TMEM74: variants seen among roughly 807,000 people sequenced by gnomAD.
TMEM74 encodes transmembrane protein 74.
A neutral mutation model predicts 18.1 loss-of-function variants in TMEM74; 13 were observed. The ratio of observed to expected loss-of-function variants is 0.72; its 90% CI spans 0.47 to 1.14. The LOEUF is 1.14. Ranked by LOEUF, TMEM74 falls within the 50% of genes most tolerant of loss-of-function variation. TMEM74 has a pLI of 0.00. For missense variants in TMEM74, 372 were observed against 375.9 expected (o/e 0.99, Z 0.09); for synonymous variants, 159 against 146.6 (o/e 1.08, Z -0.61).
chr8:108,628,210 T>A (rs1563735584), intron 2 of TMEM74, among the ~76,000 whole-genome samples: 1 of 152,040 alleles, frequency 6.6e-6, no homozygotes, highest in Non-Finnish European at 1.5e-5. Context: ...TGACCTAAGT[T>A]GCAATAATCT....
chr8:108,609,504 T>C (rs1428307791), intron 2 of TMEM74, among the ~76,000 whole-genome samples: 1 of 151,954 alleles, frequency 6.6e-6, no homozygotes, highest in Non-Finnish European at 1.5e-5. Flanking sequence ...AAAAATTAGC[T>C]GGGCTTGGTG....
intron 2 of TMEM74, among the ~76,000 whole-genome samples, chr8:108,632,154 G>A (rs1485481425): frequency 6.6e-6 from 1 of 151,956 alleles, no homozygotes; most frequent in Non-Finnish European, 1.5e-5. Flanking sequence ...ATATTGGAGA[G>A]GCTGTGACAG....
chr8:108,657,328 C>T (rs557196744), intron 1 of TMEM74, among the ~76,000 whole-genome samples: 31 of 152,044 alleles, frequency 2.0e-4, no homozygotes, highest in African/African-American at 6.7e-4. Flanking sequence ...GAGACTCTTG[C>T]TTACAAGCAG....
chr8:108,657,669 C>T (rs936021168), intron 1 of TMEM74, among the ~76,000 whole-genome samples: 4 of 150,352 alleles, frequency 2.7e-5, no homozygotes, highest in South Asian at 2.1e-4. Context: ...ATGGTGAAAC[C>T]CCATCTGTAC....
intron 2 of TMEM74, among the ~76,000 whole-genome samples, chr8:108,649,452 C>T (rs913814106): frequency 2.0e-5 from 3 of 152,238 alleles, no homozygotes; most frequent in East Asian, 1.9e-4. Flanking sequence ...TTGTGATGCT[C>T]TGGAAAACTT....
chr8:108,723,756 A>C (rs527343760), intron 1 of TMEM74, among the ~76,000 whole-genome samples: 1 of 152,334 alleles, frequency 6.6e-6, no homozygotes, highest in Non-Finnish European at 1.5e-5. Context: ...AAATATTAAT[A>C]AATAAAAAGA....
chr8:108,760,150 GA>G (rs1814025251), intron 1 of TMEM74, among the ~76,000 whole-genome samples: 2 of 125,114 alleles, frequency 1.6e-5, no homozygotes, highest in African/African-American at 8.6e-5. Context: ...TGCAGACTGG[GA>G]GAGAGAGAGA....
Position 108,634,419 on chromosome 8 carries a change from CCT to C in TMEM74, n.264+20872_264+20873del, listed in dbSNP as rs1357064175. On this transcript the variant is annotated intron_variant and non_coding_transcript_variant, in intron 2 of 3. Coordinates refer to the TMEM74 transcript ENST00000518838. ...CTATTTCCCCCTATAAATTACTCCTCCTCTCTCCCAACACTGTACATTAGCTC... is the reference window on the plus strand; with the variant it reads ...CTATTTCCCCCTATAAATTACTCCTCCTCTCCCAACACTGTACATTAGCTC... Among the ~76,000 whole-genome samples, 3 of 151,916 alleles carry C rather than the reference CCT, an allele frequency of 2.0e-5. No homozygotes were observed. In the South Asian group the frequency reaches 6.2e-4, roughly 31 times the overall value.
At chr8:108,711,836 G>A (rs1813478704) in intron 1 of TMEM74, among the ~76,000 whole-genome samples, 1 of 152,080 alleles carries the variant, frequency 6.6e-6, no homozygotes, top group Non-Finnish European at 1.5e-5. Context: ...GTAGGAAAAG[G>A]CATGCCATTA....
chr8:108,637,550 CAG>C, intron 2 of TMEM74, among the ~76,000 whole-genome samples: 1 of 152,030 alleles, frequency 6.6e-6, no homozygotes, highest in South Asian at 2.1e-4. Context: ...ATCTCAGAAG[CAG>C]AGAGAGACAG....
chr8:108,784,419 T>A lies in TMEM74; in HGVS notation c.680A>T (p.His227Leu), dbSNP rs991697781. The change falls in exon 2 of 2, where the codon CAC (histidine) becomes CTC (leucine). Residue 227 changes from histidine (H) to leucine (L), a missense_variant. His to Leu is a moderately conservative substitution (Grantham distance 99). Coordinates refer to ENST00000297459, the MANE Select transcript of TMEM74 (RefSeq NM_153015.3). ...CCCCGCAATCACACAGCGGTCCAGG[T>A]GAGCCCCCAGCCTCGCACTCTCCTT... ...LEKESARLGA[H>L]LDRCVIAGLC... is the part of the protein sequence containing the mutation. 1.2e-6 allele frequency: 2 copies of A among 1,613,996 alleles called. No individual in the cohort carries two copies. Among genetic ancestry groups the A allele is most frequent in the African/African-American group, 1.3e-5 (1 of 74,908 alleles).
chr8:108,732,070 C>T (rs1207281674), intron 1 of TMEM74, among the ~76,000 whole-genome samples: 1 of 152,150 alleles, frequency 6.6e-6, no homozygotes, highest in Admixed American at 6.5e-5. Context: ...AATTCCTGTA[C>T]ATGCAGTTCT....
intron 1 of TMEM74, among the ~76,000 whole-genome samples, chr8:108,769,352 A>G (rs1197216225): frequency 6.6e-6 from 1 of 152,030 alleles, no homozygotes; most frequent in Non-Finnish European, 1.5e-5. Context: ...AAGTCACATC[A>G]TAGATCTTCA....
intron 1 of TMEM74, among the ~76,000 whole-genome samples, chr8:108,723,016 T>C (rs1000764329): frequency 1.3e-5 from 2 of 152,132 alleles, no homozygotes; most frequent in Non-Finnish European, 2.9e-5. Context: ...ATAACAGAGG[T>C]GCAGGTAGAG....
chr8:108,624,698 G>A (rs775825648), intron 2 of TMEM74, among the ~76,000 whole-genome samples: 1 of 151,850 alleles, frequency 6.6e-6, no homozygotes, highest in Non-Finnish European at 1.5e-5. Context: ...AATAGGCATT[G>A]AGTATATTTG....
intron 1 of TMEM74, among the ~76,000 whole-genome samples, chr8:108,659,787 G>C (rs1470320969): frequency 6.6e-6 from 1 of 152,176 alleles, no homozygotes; most frequent in South Asian, 2.1e-4. Flanking sequence ...TTGTCAGCAA[G>C]CAGCCTCAGT....
downstream of TMEM74, among the ~76,000 whole-genome samples, chr8:108,777,782 C>G (rs1563549228): frequency 2.0e-5 from 3 of 152,066 alleles, no homozygotes; most frequent in South Asian, 6.2e-4. Context: ...TTGTAAAATG[C>G]AGATAACACT....
chr8:108,755,420 CATAG>C (rs781175948), intron 1 of TMEM74, among the ~76,000 whole-genome samples: 3 of 152,050 alleles, frequency 2.0e-5, no homozygotes, highest in Non-Finnish European at 4.4e-5. Context: ...TGTCATACAG[CATAG>C]AAAACTAATA....
chr8:108,761,913 C>T (rs1814049242), intron 1 of TMEM74, among the ~76,000 whole-genome samples: 1 of 152,216 alleles, frequency 6.6e-6, no homozygotes, highest in Non-Finnish European at 1.5e-5. Context: ...AGACCCGCCA[C>T]AGGGCTTGGA....
Sources: allele counts gnomAD v4.1 joint callset (sites outside exome capture counted in the v4.1 genomes callset), GRCh38; gene constraint gnomAD v4.1.1; transcripts MANE v1.5; gene names NCBI Gene and HGNC (gene_info 2026-07-23, HGNC 2026-07-21).